Variants in CCDC85A observed in about 807,000 individuals in gnomAD.
The protein encoded by CCDC85A is coiled-coil domain containing 85A, also known as coiled-coil domain-containing protein 85A.
Under a neutral mutation model 50.2 loss-of-function variants are expected in CCDC85A, and 38 were observed. The observed-to-expected ratio is 0.76, with a 90% CI of 0.58 to 0.99. CCDC85A has a LOEUF of 0.99. CCDC85A is among the 50% of genes least tolerant of loss of function. CCDC85A has a pLI of 0.00. For synonymous variants in CCDC85A, 366 were observed against 301.4 expected (o/e 1.21, Z -2.22); for missense variants, 820 against 742.0 (o/e 1.11, Z -1.22).
intron 2 of CCDC85A, among the ~76,000 whole-genome samples, chr2:56,337,929 C>T (rs1027419005): frequency 2.0e-5 from 3 of 151,944 alleles, no homozygotes; most frequent in Admixed American, 6.6e-5. Context: ...GGATTACAGG[C>T]AGCTGCCACC....
chr2:56,323,321 GA>G (rs990360922), intron 2 of CCDC85A, among the ~76,000 whole-genome samples: 1 of 151,930 alleles, frequency 6.6e-6, no homozygotes, highest in African/African-American at 2.4e-5. Flanking sequence ...CTCAGTTGCA[GA>G]GATATTGAAT....
chr2:56,341,678 G>C (rs1674378526), intron 2 of CCDC85A, among the ~76,000 whole-genome samples: 2 of 152,170 alleles, frequency 1.3e-5, no homozygotes, highest in African/African-American at 4.8e-5. Flanking sequence ...TTAGAGTTCA[G>C]TATGGAACAG....
At position 56,263,068 on chromosome 2, in the gene CCDC85A, A is replaced by G. The variant is rs1183206567; in HGVS notation, c.1240+69628A>G. Among the ~76,000 whole-genome samples, 5 of 152,252 alleles carry G rather than the reference A, an allele frequency of 3.3e-5. No homozygotes were observed. In the East Asian group the frequency reaches 9.6e-4, roughly 29 times the overall value. On this transcript the variant is annotated intron_variant, in intron 2 of 5. Transcript: ENST00000407595. ...TAAGAAAAGCACTAGAAATACTGCA[A>G]ACAGCACAAAGCAAGTGAAAATACT...
chr2:56,333,525 C>A (rs1673918906), intron 2 of CCDC85A, among the ~76,000 whole-genome samples: 1 of 152,032 alleles, frequency 6.6e-6, no homozygotes, highest in African/African-American at 2.4e-5. Flanking sequence ...AATGGTGAGG[C>A]TACTGCAGGG....
chr2:56,186,195 G>A (rs903650744), intron 1 of CCDC85A, among the ~76,000 whole-genome samples: 1 of 152,142 alleles, frequency 6.6e-6, no homozygotes, highest in Non-Finnish European at 1.5e-5. Flanking sequence ...AAAATGCCAA[G>A]GCTTACTCTC....
At position 56,280,390 on chromosome 2, in the gene CCDC85A, G is replaced by A. The variant is rs542802644; in HGVS notation, c.1241-62489G>A. Among the ~76,000 whole-genome samples the A allele has an allele frequency of 1.8e-4, 27 of 152,232 alleles. 1 individual carries two copies. The South Asian group carries it at 1.9e-3, about 11-fold the overall frequency. ...TACTTGTGTTTGAAAATGCATCATA[G>A]CTTTAGGTGAGCCATTTCTTAGTCA... On this transcript the variant is annotated intron_variant, in intron 2 of 5. Transcript: ENST00000407595.
At chr2:56,380,625 T>TAA (rs149570361) in intron 5 of CCDC85A, among the ~76,000 whole-genome samples, 1 of 148,382 alleles carries the variant, frequency 6.7e-6, no homozygotes. Flanking sequence ...GAGACCACAG[T>TAA]AAAAAAATAA....
intron 2 of CCDC85A, among the ~76,000 whole-genome samples, chr2:56,341,844 A>G (rs890690891): frequency 4.6e-5 from 7 of 152,226 alleles, no homozygotes; most frequent in African/African-American, 1.2e-4. Flanking sequence ...GTCAAAATTC[A>G]TTCTAACTCT....
At chr2:56,370,327 A>G (rs191308627) in intron 3 of CCDC85A, among the ~76,000 whole-genome samples, 76 of 152,284 alleles carry the variant, frequency 5.0e-4, no homozygotes, top group Middle Eastern at 3.4e-3. Context: ...TCATTAGTGT[A>G]TAAATACCAT....
rs78634563 is a variant in CCDC85A, at chr2:56,310,764, C to G, written c.1241-32115C>G. On this transcript the variant is annotated intron_variant, in intron 2 of 5. Coordinates refer to ENST00000407595, the MANE Select transcript of CCDC85A (RefSeq NM_001080433.2). ...AAGCACCCAGAATTTTTCCAGGATG[C>G]TAGATGGAAGCAAGGTTATATGGAC... Among the ~76,000 whole-genome samples, 421 of 152,218 alleles carry G rather than the reference C, an allele frequency of 2.8e-3. 1 individual carries two copies. The highest frequency in any genetic ancestry group is 9.5e-3 in the African/African-American group (396 of 41,550).
chr2:56,342,905 C>T lies in CCDC85A; in HGVS notation c.1267C>T (p.Leu423=), dbSNP rs890448372. The T allele has an allele frequency of 1.3e-6, 2 of 1,595,430 alleles. No homozygotes were observed. The highest frequency in any genetic ancestry group is 2.7e-5 in the African/African-American group (2 of 74,456). ...ATCAACCTTGTCCTATGTTAGGCAG[C>T]TGGAGGCAAGAGTAAGACAGCTGGA... is the stretch of plus-strand genomic sequence containing the variant. ...NESTLSYVRQ[L]EARVRQLEEE... Residue 423 remains leucine (L), a synonymous_variant, in exon 3 of 6, where the codon CTG becomes TTG. Transcript: ENST00000407595.
At chr2:56,340,407 G>A (rs1674297982) in intron 2 of CCDC85A, among the ~76,000 whole-genome samples, 1 of 152,142 alleles carries the variant, frequency 6.6e-6, no homozygotes, top group African/African-American at 2.4e-5. Context: ...TGAGGCTGAA[G>A]AACATGAACA....
At chr2:56,199,979 C>G (rs925677145) in intron 2 of CCDC85A, among the ~76,000 whole-genome samples, 2 of 152,236 alleles carry the variant, frequency 1.3e-5, no homozygotes, top group East Asian at 3.8e-4. Context: ...AACGATTCTC[C>G]TGCCTCAGCT....
At position 56,193,114 on chromosome 2, in the gene CCDC85A, T is replaced by A. The variant is rs1345341278; in HGVS notation, c.914T>A (p.Leu305Gln). 6.2e-7 allele frequency: 1 copy of A among 1,613,232 alleles called. No homozygotes were observed. Residue 305 changes from leucine to glutamine, a missense_variant, in exon 2 of 6, where the codon CTG (leucine) becomes CAG (glutamine). Transcript: ENST00000407595. Reference sequence around the variant, plus strand: ...CATCCAGGGAGCAGCCCCGAAACGCTGCCCAAGCACGTGCTGAGTGGGAGC... The same window carrying A: ...CATCCAGGGAGCAGCCCCGAAACGCAGCCCAAGCACGTGCTGAGTGGGAGC... ...HPHPGSSPET[L>Q]PKHVLSGSPE... is the part of the protein sequence containing the mutation.
chr2:56,290,762 C>T lies in CCDC85A; in HGVS notation c.1241-52117C>T, dbSNP rs527759297. 1.3e-3 allele frequency among the ~76,000 whole-genome samples: 191 copies of T among 152,314 alleles called. 1 individual carries two copies. In the Middle Eastern group the frequency reaches 0.014, roughly 11 times the overall value. On this transcript the variant is annotated intron_variant, in intron 2 of 5. Transcript: ENST00000407595. Reference sequence around the variant, plus strand: ...ACTACATTTGGCACTTTCCTCTATACAGTTATCTAGAAAATTGTTTCCAAA... The same window carrying T: ...ACTACATTTGGCACTTTCCTCTATATAGTTATCTAGAAAATTGTTTCCAAA...
chr2:56,268,852 A>G (rs1670574929), intron 2 of CCDC85A, among the ~76,000 whole-genome samples: 1 of 152,180 alleles, frequency 6.6e-6, no homozygotes, highest in Non-Finnish European at 1.5e-5. Flanking sequence ...GAAAGATAAT[A>G]CAGTCTTCCC....
At chr2:56,369,124 T>C (rs1675949926) in intron 3 of CCDC85A, among the ~76,000 whole-genome samples, 1 of 152,142 alleles carries the variant, frequency 6.6e-6, no homozygotes. Context: ...TTTTTCATTA[T>C]TTCTATGAGG....
chr2:56,188,785 G>T (rs534823436), intron 1 of CCDC85A, among the ~76,000 whole-genome samples: 191 of 152,348 alleles, frequency 1.3e-3, no homozygotes, highest in Non-Finnish European at 2.0e-3. Flanking sequence ...TATAGCTGTA[G>T]CCTGTTTTGG....
At chr2:56,358,573 A>G (rs1573334507) in intron 3 of CCDC85A, among the ~76,000 whole-genome samples, 1 of 152,124 alleles carries the variant, frequency 6.6e-6, no homozygotes, top group Non-Finnish European at 1.5e-5. Context: ...TGCTTCAGCT[A>G]CTCACATCCT....
Sources: allele counts gnomAD v4.1 joint callset (sites outside exome capture counted in the v4.1 genomes callset), GRCh38; gene constraint gnomAD v4.1.1; transcripts MANE v1.5; gene names NCBI Gene and HGNC (gene_info 2026-07-23, HGNC 2026-07-21).